Variants in EPB41L3 observed in about 807,000 individuals in gnomAD.
EPB41L3 encodes band 4.1-like protein 3.
EPB41L3 carries 57 observed loss-of-function variants against 127.1 expected under a neutral mutation model. The ratio of observed to expected loss-of-function variants is 0.45; its 90% confidence interval spans 0.36 to 0.56. The LOEUF (loss-of-function observed/expected upper bound fraction) is 0.56. Ranked by LOEUF, EPB41L3 falls within the 20% of genes least tolerant of loss-of-function variation. EPB41L3 has a pLI of 0.00. For missense variants in EPB41L3, 1,273 were observed against 1,372.2 expected (o/e 0.93, Z 1.14); for synonymous variants, 572 against 549.5 (o/e 1.04, Z -0.57).
intron 2 of EPB41L3, among the ~76,000 whole-genome samples, chr18:5,487,984 C>T (rs2090051614): frequency 6.6e-6 from 1 of 152,100 alleles, no homozygotes; most frequent in Admixed American, 6.5e-5. Flanking sequence ...GTGGGGACTC[C>T]AGATTGCTTT....
At chr18:5,559,365 C>T (rs775936952) in intron 3 of EPB41L3, among the ~76,000 whole-genome samples, 7 of 152,212 alleles carry the variant, frequency 4.6e-5, no homozygotes, top group Non-Finnish European at 1.0e-4. Context: ...GTCCTTACTT[C>T]TCCACCCGCC....
intron 3 of EPB41L3, among the ~76,000 whole-genome samples, chr18:5,467,045 C>T (rs905814071): frequency 1.3e-5 from 2 of 152,164 alleles, no homozygotes; most frequent in Non-Finnish European, 2.9e-5. Context: ...ACTTGTTTCT[C>T]TCCAGAAGGG....
chr18:5,548,642 A>C (rs566482383), upstream of EPB41L3, among the ~76,000 whole-genome samples: 2 of 152,206 alleles, frequency 1.3e-5, no homozygotes, highest in African/African-American at 4.8e-5. Context: ...ATTTCCAGTA[A>C]ATTTTAGAAA....
intron 3 of EPB41L3, among the ~76,000 whole-genome samples, chr18:5,583,184 C>A (rs2094411023): frequency 6.6e-6 from 1 of 152,176 alleles, no homozygotes; most frequent in Non-Finnish European, 1.5e-5. Flanking sequence ...TGTCATAGAA[C>A]ACAGTAACTG....
At position 5,412,391 on chromosome 18, in the gene EPB41L3, A is replaced by G. The variant is rs562997172; in HGVS notation, c.2068-1772T>C. 2.1e-3 allele frequency among the ~76,000 whole-genome samples: 316 copies of G among 152,004 alleles called. 1 individual carries two copies. The highest frequency in any genetic ancestry group is 3.8e-3 in the Non-Finnish European group (257 of 67,962). On this transcript the variant is annotated intron_variant, in intron 13 of 22. Transcript: ENST00000341928. ...TAGGTGCATGCCACCATGCCTGGCT[A>G]ATTTTTGTACTTTTAGTAGAGGCAG...
At chr18:5,440,877 T>C (rs1449038948) in intron 5 of EPB41L3, among the ~76,000 whole-genome samples, 8 of 152,178 alleles carry the variant, frequency 5.3e-5, no homozygotes, top group Non-Finnish European at 7.3e-5. Flanking sequence ...CTCTTCAGTT[T>C]CAAAATTTTG....
At chr18:5,454,666 G>C (rs2082766047) in intron 3 of EPB41L3, among the ~76,000 whole-genome samples, 1 of 152,102 alleles carries the variant, frequency 6.6e-6, no homozygotes, top group Admixed American at 6.5e-5. Context: ...AACCATGAGG[G>C]TAACTACTTT....
At chr18:5,555,754 A>G (rs540788979) in intron 3 of EPB41L3, among the ~76,000 whole-genome samples, 209 of 152,296 alleles carry the variant, frequency 1.4e-3, no homozygotes, top group Middle Eastern at 3.4e-3. Context: ...GAGCACTCAG[A>G]GATACAAAGG....
At chr18:5,530,749 C>T (rs186360356) in intron 1 of EPB41L3, among the ~76,000 whole-genome samples, 6 of 152,294 alleles carry the variant, frequency 3.9e-5, no homozygotes, top group African/African-American at 1.2e-4. Context: ...ACTCCCTCTC[C>T]GTCCAAAGCC....
At chr18:5,491,957 C>T (rs1475940718) in intron 1 of EPB41L3, among the ~76,000 whole-genome samples, 3 of 152,128 alleles carry the variant, frequency 2.0e-5, no homozygotes, top group African/African-American at 7.2e-5. Flanking sequence ...TTTCCTCTTC[C>T]CCACCCATAT....
intron 1 of EPB41L3, among the ~76,000 whole-genome samples, chr18:5,509,040 C>A (rs906699373): frequency 2.0e-5 from 3 of 152,190 alleles, no homozygotes; most frequent in Non-Finnish European, 4.4e-5. Flanking sequence ...AGGGAAAACA[C>A]CCTTGAAGGT....
intron 3 of EPB41L3, among the ~76,000 whole-genome samples, chr18:5,450,417 T>C (rs1204028988): frequency 2.0e-5 from 3 of 148,376 alleles, no homozygotes; most frequent in African/African-American, 7.5e-5. Context: ...ATGTTAAAAA[T>C]AGGGGATCCT....
rs764824160 is a variant in EPB41L3, at chr18:5,622,788, C to T, written c.-468+6134G>A. 5.3e-5 allele frequency among the ~76,000 whole-genome samples: 8 copies of T among 152,200 alleles called. No individual in the cohort carries two copies. In the East Asian group the frequency reaches 1.5e-3, roughly 29 times the overall value. On this transcript the variant is annotated intron_variant, in intron 1 of 21. Coordinates refer to the EPB41L3 transcript ENST00000545076. ...TCTCCTTCTTTAGCTCTGCAGAATGCTGTGACTATTAGGGGGAAAGAAGTA... is the reference window on the plus strand; with the variant it reads ...TCTCCTTCTTTAGCTCTGCAGAATGTTGTGACTATTAGGGGGAAAGAAGTA...
At chr18:5,479,931 G>C (rs2088074707) in intron 2 of EPB41L3, 1 of 151,894 alleles carries the variant, frequency 6.6e-6, no homozygotes, top group Non-Finnish European at 1.5e-5. Context: ...GGTTACTTTG[G>C]TATTGTATAT....
intron 1 of EPB41L3, among the ~76,000 whole-genome samples, chr18:5,536,430 A>C (rs555831931): frequency 1.3e-5 from 2 of 151,684 alleles, no homozygotes; most frequent in Non-Finnish European, 2.9e-5. Flanking sequence ...ATATTTATTT[A>C]CCATTAAAAA....
intron 3 of EPB41L3, among the ~76,000 whole-genome samples, chr18:5,566,723 C>T (rs375416959): frequency 7.1e-5 from 8 of 112,326 alleles, no homozygotes; most frequent in East Asian, 5.7e-4. Context: ...TTTTCTATTC[C>T]ATTCTATTCT....
intron 1 of EPB41L3, among the ~76,000 whole-genome samples, chr18:5,542,389 T>C (rs1054178209): frequency 7.2e-5 from 11 of 152,230 alleles, no homozygotes; most frequent in African/African-American, 2.7e-4. Context: ...ACGCTTCCTG[T>C]ACTATAGAAG....
At chr18:5,438,159 A>T (rs963487533) in intron 5 of EPB41L3, 49 bp from the exon 6 acceptor site, 33 of 1,564,374 alleles carry the variant, frequency 2.1e-5, no homozygotes, top group Non-Finnish European at 2.5e-5. Flanking sequence ...AATTCTTATG[A>T]CTCTAATCGA....
chr18:5,466,538 T>C (rs928429523), intron 3 of EPB41L3, among the ~76,000 whole-genome samples: 3 of 152,188 alleles, frequency 2.0e-5, no homozygotes, highest in African/African-American at 7.2e-5. Flanking sequence ...TTGGAAATCA[T>C]GCACGCAACA....
Sources: gnomAD v4.1 joint callset for allele counts (sites outside exome capture counted in the v4.1 genomes callset) on GRCh38, gnomAD v4.1.1 for gene constraint, MANE v1.5 for transcripts, NCBI Gene and HGNC (gene_info 2026-07-23, HGNC 2026-07-21) for gene names.